Variants in SYNE1 observed in about 807,000 individuals in gnomAD.
The protein encoded by SYNE1 is nesprin-1.
SYNE1 carries 616 observed loss-of-function variants against 1,111.0 expected under a neutral mutation model. The observed-to-expected ratio is 0.55, with a 90% CI of 0.52 to 0.59. The LOEUF is 0.59. Among genes scored for constraint, SYNE1 ranks in the 20% least tolerant of loss-of-function variants. The probability of loss-of-function intolerance (pLI) is 0.00; values close to 1 mark genes in which losing one functional copy is unlikely to be tolerated. For missense variants in SYNE1, 10,006 were observed against 10,417.0 expected, an observed-to-expected ratio of 0.96 and a Z score of 1.72; for synonymous variants, 3,855 against 3,825.8, an observed-to-expected ratio of 1.01 and a Z score of -0.28.
At chr6:152,402,672 G>T (rs1163106307) in intron 46 of SYNE1, 1 of 152,146 alleles carries the variant, frequency 6.6e-6, no homozygotes, top group Non-Finnish European at 1.5e-5. Flanking sequence ...CTTGAGGTAA[G>T]GTAAGCCACC....
chr6:152,589,570 A>G (rs1293963978), intron 3 of SYNE1, among the ~76,000 whole-genome samples: 2 of 152,252 alleles, frequency 1.3e-5, no homozygotes, highest in East Asian at 3.9e-4. Context: ...CTTTTTTCTA[A>G]AAAGTCTGCA....
In SYNE1 at chr6:152,156,082, T is replaced by C. The variant is rs1390020049; in HGVS notation, c.23806A>G (p.Ile7936Val). The C allele has an allele frequency of 6.2e-7, 1 of 1,614,228 alleles. No individual in the cohort carries two copies. Among genetic ancestry groups the C allele is most frequent in the South Asian group, 1.1e-5 (1 of 91,088 alleles). ...GCAACACCTGTACTGTGCTTCTCTATGTCTCTCTGAAGCTCCTGCAGGGGA... is the reference window on the plus strand; with the variant it reads ...GCAACACCTGTACTGTGCTTCTCTACGTCTCTCTGAAGCTCCTGCAGGGGA... The part of the protein sequence containing the change: ...LNEQQELQRD[I>V]EKHSTGVASV... The change falls in exon 132 of 146, where the codon ATA becomes GTA. Residue 7936 changes from isoleucine to valine, a missense_variant. Ile to Val is a conservative substitution (Grantham distance 29). Transcript: ENST00000367255.
rs183414084 is a variant in SYNE1, at chr6:152,370,399, T to C, written c.9508-785A>G. ...TCAACATTTGGTTGATTTTCATTAA[T>C]GAGGGTACAAGAAGTAGCATATCCA... is the stretch of plus-strand genomic sequence containing the variant. On this transcript the variant is annotated intron_variant, in intron 59 of 145. Coordinates refer to ENST00000367255, the MANE Select transcript of SYNE1 (RefSeq NM_182961.4). 2.8e-3 allele frequency among the ~76,000 whole-genome samples: 428 copies of C among 152,312 alleles called. 2 individuals are homozygous for C. The highest frequency in any genetic ancestry group is 9.9e-3 in the African/African-American group (410 of 41,568).
chr6:152,190,967 T>A (rs1427500869), intron 127 of SYNE1, among the ~76,000 whole-genome samples: 1 of 152,244 alleles, frequency 6.6e-6, no homozygotes, highest in Non-Finnish European at 1.5e-5. Context: ...CTCAGTTTTT[T>A]GAGGGTTTTT....
At chr6:152,472,723 G>T in intron 14 of SYNE1, 2 of 669,006 alleles carry the variant, frequency 3.0e-6, no homozygotes, top group Non-Finnish European at 5.4e-6. Flanking sequence ...TTACTGCTAT[G>T]AAATGATTTT....
chr6:152,605,207 ATC>A (rs944415399), intron 3 of SYNE1, among the ~76,000 whole-genome samples: 9 of 152,084 alleles, frequency 5.9e-5, no homozygotes, highest in Non-Finnish European at 1.2e-4. Flanking sequence ...TATAAAGAAT[ATC>A]TCTGCTTAAA....
chr6:152,577,174 T>C (rs2099500012), intron 3 of SYNE1, among the ~76,000 whole-genome samples: 1 of 152,140 alleles, frequency 6.6e-6, no homozygotes, highest in African/African-American at 2.4e-5. Flanking sequence ...AAGAATCTTA[T>C]TAGAAGTATA....
intron 131 of SYNE1, among the ~76,000 whole-genome samples, chr6:152,162,588 G>C (rs2348262): frequency 6.6e-6 from 1 of 151,934 alleles, no homozygotes; most frequent in Admixed American, 6.6e-5. Context: ...TGCCAACCAG[G>C]ATCCCTACAA....
chr6:152,481,779 T>C (rs1463605726), intron 14 of SYNE1, among the ~76,000 whole-genome samples: 1 of 150,930 alleles, frequency 6.6e-6, no homozygotes, highest in Non-Finnish European at 1.5e-5. Context: ...AAAATTCTTG[T>C]GACTTGATCT....
chr6:152,361,936 A>G (rs1020081907), intron 64 of SYNE1, among the ~76,000 whole-genome samples: 2 of 152,132 alleles, frequency 1.3e-5, no homozygotes, highest in African/African-American at 4.8e-5. Flanking sequence ...AATGGTTTGT[A>G]TCATAAAACA....
At chr6:152,428,442 C>G (rs2098393625) in intron 36 of SYNE1, 50 bp from the exon 37 acceptor site, 1 of 1,601,674 alleles carries the variant, frequency 6.2e-7, no homozygotes, top group African/African-American at 1.3e-5. Context: ...GCCAACGAGG[C>G]CTGCATTTTT....
chr6:152,511,425 A>G lies in SYNE1; in HGVS notation c.310-322T>C, dbSNP rs1197975910. 4.3e-6 allele frequency: 3 copies of G among 697,572 alleles called. No individual in the cohort carries two copies. The African/African-American group carries it at 5.4e-5, about 13-fold the overall frequency. The allele number at this position is 697,572 out of a possible 1,614,324, so 43.2% of individuals were successfully genotyped here. ...AAAAAAAATGTTATTATTTATATTT[A>G]GAGGTTGACTGGAGCTTAAAAGAAA... On this transcript the variant is annotated intron_variant, in intron 6 of 145. Transcript: ENST00000367255.
At chr6:152,313,613 C>T (rs557221363) in intron 87 of SYNE1, among the ~76,000 whole-genome samples, 7 of 152,040 alleles carry the variant, frequency 4.6e-5, no homozygotes, top group Non-Finnish European at 7.4e-5. Context: ...CAGGCACTCC[C>T]AACCACGTCC....
At chr6:152,175,843 G>A (rs965057860) in intron 130 of SYNE1, among the ~76,000 whole-genome samples, 4 of 152,040 alleles carry the variant, frequency 2.6e-5, no homozygotes, top group African/African-American at 9.7e-5. Flanking sequence ...TTCTGCAACA[G>A]AAAGTGAATG....
At chr6:152,620,247 A>G (rs148119276) in intron 3 of SYNE1, among the ~76,000 whole-genome samples, 23 of 152,076 alleles carry the variant, frequency 1.5e-4, no homozygotes, top group African/African-American at 5.1e-4. Flanking sequence ...TCTTAGTCTC[A>G]TATGTGGGAC....
intron 5 of SYNE1, among the ~76,000 whole-genome samples, chr6:152,524,530 C>A (rs1247741193): frequency 6.6e-6 from 1 of 151,896 alleles, no homozygotes; most frequent in Non-Finnish European, 1.5e-5. Context: ...TCTAATGACT[C>A]CCACAACCTA....
chr6:152,324,416 C>T (rs1489127247), intron 81 of SYNE1, among the ~76,000 whole-genome samples: 1 of 151,464 alleles, frequency 6.6e-6, no homozygotes, highest in African/African-American at 2.4e-5. Context: ...GTTGAATATA[C>T]AATTTGGGTA....
At position 152,253,817 on chromosome 6, in the gene SYNE1, GGTTTTTTTTTTTTTTTTTTTTTT is replaced by G. The variant is rs1489808580; in HGVS notation, c.19470+1040_19470+1062del. Among the ~76,000 whole-genome samples, 53 of 59,156 alleles carry G rather than the reference GGTTTTTTTTTTTTTTTTTTTTTT, an allele frequency of 9.0e-4. 1 individual carries two copies. The highest frequency in any genetic ancestry group is 1.1e-3 in the African/African-American group (13 of 12,356). 38.8% of individuals were successfully genotyped at this position (59,156 alleles called of 152,430 possible). On this transcript the variant is annotated intron_variant, in intron 104 of 145. Coordinates refer to ENST00000367255, the MANE Select transcript of SYNE1 (RefSeq NM_182961.4). ...ATGCTACATTTATGTGTAGTGGTTT[GGTTTTTTTTTTTTTTTTTTTTTT>G]TTTTTTTTTTTTTTTTTTTTGCAAA...
rs936020668 is a variant in SYNE1, at chr6:152,339,469, G to T, written c.12226-103C>A. ...CTGTTGACATTTCAAAAATAGTCTTGCTATGCTCAGTGTTTTCACCATTGT... is the reference window on the plus strand; with the variant it reads ...CTGTTGACATTTCAAAAATAGTCTTTCTATGCTCAGTGTTTTCACCATTGT... On this transcript the variant is annotated intron_variant, in intron 74 of 145. Transcript: ENST00000367255. 2.7e-6 allele frequency: 4 copies of T among 1,498,076 alleles called. No individual in the cohort carries two copies. The South Asian group carries it at 4.7e-5, about 17-fold the overall frequency. The allele number at this position is 1,498,076 out of a possible 1,614,324, so 92.8% of individuals were successfully genotyped here.
Sources: gnomAD v4.1 joint callset for allele counts (sites outside exome capture counted in the v4.1 genomes callset) on GRCh38, gnomAD v4.1.1 for gene constraint, MANE v1.5 for transcripts, NCBI Gene and HGNC (gene_info 2026-07-23, HGNC 2026-07-21) for gene names.